Variants in PARD3 observed in about 807,000 individuals in gnomAD.
PARD3 encodes partitioning defective 3 homolog.
In PARD3, 75 loss-of-function variants were observed where a neutral mutation model predicts 155.4. That is an observed-to-expected ratio of 0.48 (90% CI 0.40 to 0.58). PARD3 has a LOEUF of 0.58. PARD3 is among the 20% of genes least tolerant of loss of function. The pLI is 0.00. For missense variants in PARD3, 1,642 were observed against 1,721.7 expected (o/e 0.95, Z 0.82); for synonymous variants, 576 against 610.5 (o/e 0.94, Z 0.83).
intron 24 of PARD3, among the ~76,000 whole-genome samples, chr10:34,117,865 C>T (rs532597570): frequency 3.5e-4 from 53 of 152,246 alleles, no homozygotes; most frequent in Admixed American, 1.9e-3. Context: ...GAGCCAAGGT[C>T]GCGCCACTGC....
rs1400948572 is a variant in PARD3 at position 34,457,776 on chromosome 10, C to T, written c.583-7328G>A. Among the ~76,000 whole-genome samples, 7 of 151,988 alleles carry T rather than the reference C, an allele frequency of 4.6e-5. 1 individual carries two copies. Among genetic ancestry groups the T allele is most frequent in the Non-Finnish European group, 1.0e-4 (7 of 67,994 alleles). Reference sequence around the variant, plus strand: ...CCAACACACTCAGCTAATTTTTTAACTTTTTGGAGAGACAAAGTCTCACTA... The same window carrying T: ...CCAACACACTCAGCTAATTTTTTAATTTTTTGGAGAGACAAAGTCTCACTA... On this transcript the variant is annotated intron_variant, in intron 4 of 24. Transcript: ENST00000374788.
At chr10:34,433,665 G>A (rs768020576) in intron 5 of PARD3, among the ~76,000 whole-genome samples, 3 of 152,120 alleles carry the variant, frequency 2.0e-5, no homozygotes, top group Non-Finnish European at 4.4e-5. Flanking sequence ...ATTTAATCTA[G>A]AGGAGATTCT....
At chr10:34,159,856 G>C (rs1245217222) in intron 22 of PARD3, among the ~76,000 whole-genome samples, 1 of 152,226 alleles carries the variant, frequency 6.6e-6, no homozygotes, top group African/African-American at 2.4e-5. Flanking sequence ...CTAGGAAACA[G>C]TGCTGGAATT....
chr10:34,607,144 T>C (rs2090529412), intron 2 of PARD3, among the ~76,000 whole-genome samples: 1 of 152,118 alleles, frequency 6.6e-6, no homozygotes, highest in Non-Finnish European at 1.5e-5. Flanking sequence ...CCAAGTTTTC[T>C]TCACCTTACA....
chr10:34,559,809 T>C (rs1373411239), intron 2 of PARD3, among the ~76,000 whole-genome samples: 2 of 152,180 alleles, frequency 1.3e-5, no homozygotes, highest in African/African-American at 4.8e-5. Flanking sequence ...GAAGCGACTG[T>C]AACAACAAAA....
In PARD3 at chr10:34,736,656, T is replaced by TAA. The variant is rs1346767270; in HGVS notation, c.121-40238_121-40237insTT. ...TAGGTTACTTTATTAATTAATTAAT[T>TAA]TATTTATTTATTTATTTATTTATTT... On this transcript the variant is annotated intron_variant, in intron 1 of 24. Coordinates refer to ENST00000374788, the MANE Select transcript of PARD3 (RefSeq NM_001184785.2). 5.0e-3 allele frequency among the ~76,000 whole-genome samples: 376 copies of TAA among 74,704 alleles called. No homozygotes were observed. The East Asian group carries it at 0.052, about 10-fold the overall frequency. 49.0% of individuals were successfully genotyped at this position (74,704 alleles called of 152,430 possible).
chr10:34,264,927 T>C (rs1955221906), intron 22 of PARD3, among the ~76,000 whole-genome samples: 1 of 152,126 alleles, frequency 6.6e-6, no homozygotes, highest in Admixed American at 6.6e-5. Context: ...TTTATTTTTA[T>C]TTTTGTAGAG....
chr10:34,336,035 C>G lies in PARD3; in HGVS notation c.2605+164G>C, dbSNP rs116479349. On this transcript the variant is annotated intron_variant, in intron 18 of 24. Coordinates refer to ENST00000374788, the MANE Select transcript of PARD3 (RefSeq NM_001184785.2). Reference sequence around the variant, plus strand: ...TACACCACTGATAAATTTCTACTAACAGAAAATATTTCTTTTCTTATGTAA... The same window carrying G: ...TACACCACTGATAAATTTCTACTAAGAGAAAATATTTCTTTTCTTATGTAA... 8.1e-3 allele frequency among the ~76,000 whole-genome samples: 1,231 copies of G among 152,150 alleles called. 22 individuals are homozygous for G. The highest frequency in any genetic ancestry group is 0.028 in the African/African-American group (1,169 of 41,528).
chr10:34,388,086 G>A (rs944505466), intron 7 of PARD3, among the ~76,000 whole-genome samples: 2 of 152,126 alleles, frequency 1.3e-5, no homozygotes, highest in African/African-American at 4.8e-5. Flanking sequence ...CCTGATGGGG[G>A]GCTGGGAGAT....
chr10:34,372,057 T>C (rs1840723241), intron 12 of PARD3, among the ~76,000 whole-genome samples: 1 of 152,210 alleles, frequency 6.6e-6, no homozygotes, highest in Non-Finnish European at 1.5e-5. Flanking sequence ...CTTAGCCTAA[T>C]ACTGACACGT....
intron 2 of PARD3, among the ~76,000 whole-genome samples, chr10:34,634,872 C>T (rs748934214): frequency 1.1e-4 from 16 of 152,148 alleles, no homozygotes; most frequent in Admixed American, 2.0e-4. Context: ...AAAAAGCAAA[C>T]AGGGGGAATC....
intron 14 of PARD3, among the ~76,000 whole-genome samples, chr10:34,350,633 C>CGGGGG (rs113142401): frequency 7.4e-4 from 30 of 40,678 alleles, no homozygotes; most frequent in African/African-American, 1.2e-3. Flanking sequence ...TCCATCTTGG[C>CGGGGG]GGGGGGGGAG....
intron 2 of PARD3, among the ~76,000 whole-genome samples, chr10:34,646,651 A>G (rs1460130139): frequency 6.6e-6 from 1 of 152,174 alleles, no homozygotes; most frequent in African/African-American, 2.4e-5. Context: ...CCCACATCAC[A>G]TCTCTAATTC....
At chr10:34,684,878 T>TAC (rs57035644) in intron 2 of PARD3, among the ~76,000 whole-genome samples, 31,250 of 137,620 alleles carry the variant, frequency 0.23, 3,476 homozygotes, top group East Asian at 0.29. Context: ...TACACACACA[T>TAC]ACACACACAC....
At chr10:34,286,685 C>G (rs1044910962) in intron 20 of PARD3, among the ~76,000 whole-genome samples, 4 of 152,118 alleles carry the variant, frequency 2.6e-5, no homozygotes, top group Admixed American at 6.5e-5. Context: ...AGGGGGCAGA[C>G]CACATGGATT....
At chr10:34,374,116 CA>C (rs1840977282) in intron 11 of PARD3, among the ~76,000 whole-genome samples, 1 of 152,072 alleles carries the variant, frequency 6.6e-6, no homozygotes, top group Non-Finnish European at 1.5e-5. Context: ...CATCAAAAGA[CA>C]AAGGCAACTC....
chr10:34,450,433 T>C lies in PARD3; in HGVS notation c.598A>G (p.Arg200Gly). Reference protein sequence around the residue: ...TCDRKKDENYRSLPRDTSNWS... With the variant: ...TCDRKKDENYGSLPRDTSNWS... ...TTACTAGTATCCCGCGGGAGGCTTC[T>C]GTAGTTTTCATCTTTCTATTCAAAA... The change falls in exon 5 of 25, where the codon AGA becomes GGA. Residue 200 changes from arginine (R) to glycine (G), a missense_variant. By Grantham distance (125) the Arg-to-Gly change is moderately radical. Coordinates refer to ENST00000374788, the MANE Select transcript of PARD3 (RefSeq NM_001184785.2). 6.2e-7 allele frequency: 1 copy of C among 1,610,200 alleles called. No homozygotes were observed. Among genetic ancestry groups the C allele is most frequent in the Non-Finnish European group, 8.5e-7 (1 of 1,179,108 alleles).
At chr10:34,336,419 C>A (rs749245542) in intron 17 of PARD3, 176 bp from the exon 18 acceptor site, 15 of 555,748 alleles carry the variant, frequency 2.7e-5, no homozygotes, top group Non-Finnish European at 4.8e-5. Context: ...AAAGCAGTGT[C>A]TCCATGCAAT....
intron 22 of PARD3, among the ~76,000 whole-genome samples, chr10:34,152,231 A>C (rs1292430605): frequency 6.6e-6 from 1 of 152,190 alleles, no homozygotes; most frequent in African/African-American, 2.4e-5. Context: ...TCAACCTTAG[A>C]ACTACAGTCT....
Sources: allele counts gnomAD v4.1 joint callset (sites outside exome capture counted in the v4.1 genomes callset), GRCh38; gene constraint gnomAD v4.1.1; transcripts MANE v1.5; gene names NCBI Gene and HGNC (gene_info 2026-07-23, HGNC 2026-07-21).